The following ANK2 variants were observed in gnomAD, a reference collection of about 807,000 sequenced individuals.
ANK2 encodes the protein ankyrin 2.
Under a neutral mutation model 360.5 loss-of-function variants are expected in ANK2, and 83 were observed. That is an observed-to-expected ratio of 0.23 (90% CI 0.19 to 0.28). The LOEUF is 0.28. Ranked by LOEUF, ANK2 falls within the 10% of genes least tolerant of loss-of-function variation. The pLI is 1.00. For synonymous variants in ANK2, 1,740 were observed against 1,759.5 expected, an observed-to-expected ratio of 0.99 and a Z score of 0.28; for missense variants, 4,201 against 4,795.7, an observed-to-expected ratio of 0.88 and a Z score of 3.66.
At chr4:112,732,495 C>T in the ANK2 span, among the ~76,000 whole-genome samples, 4 of 152,040 alleles carry the variant, frequency 2.6e-5, no homozygotes, top group Non-Finnish European at 5.9e-5. Context: ...AGTCCTTCCA[C>T]CTTGGCCTCC....
the ANK2 span, among the ~76,000 whole-genome samples, chr4:112,783,470 C>T: frequency 6.6e-6 from 1 of 152,214 alleles, no homozygotes; most frequent in East Asian, 1.9e-4. Context: ...TCATCATTCC[C>T]ATGCATTTCT....
intron 2 of ANK2, among the ~76,000 whole-genome samples, chr4:112,947,056 A>T (rs1287557985): frequency 6.6e-6 from 1 of 152,186 alleles, no homozygotes; most frequent in Non-Finnish European, 1.5e-5. Context: ...CTCTTGCATG[A>T]TTCATTCTTG....
At chr4:112,972,137 T>A (rs2039756361) in intron 2 of ANK2, among the ~76,000 whole-genome samples, 1 of 152,206 alleles carries the variant, frequency 6.6e-6, no homozygotes. Context: ...ATAAAGTCAG[T>A]GTCCAATAGA....
intron 1 of ANK2, among the ~76,000 whole-genome samples, chr4:113,114,382 C>T (rs1000449233): frequency 6.6e-6 from 1 of 152,150 alleles, no homozygotes; most frequent in African/African-American, 2.4e-5. Context: ...AATTATGATT[C>T]TTAAAGATGT....
intron 2 of ANK2, among the ~76,000 whole-genome samples, chr4:113,001,280 G>A (rs1388074633): frequency 2.2e-5 from 3 of 139,488 alleles, no homozygotes; most frequent in East Asian, 2.1e-4. Flanking sequence ...GCAGTGAGCC[G>A]AGATCCCACC....
intron 2 of ANK2, among the ~76,000 whole-genome samples, chr4:113,028,912 C>T (rs541533554): frequency 2.4e-4 from 36 of 152,222 alleles, no homozygotes; most frequent in African/African-American, 8.4e-4. Context: ...CCAGTCTCCT[C>T]AGGTAGGGGA....
the ANK2 span, among the ~76,000 whole-genome samples, chr4:112,734,261 T>A: frequency 1.3e-5 from 2 of 152,220 alleles, no homozygotes; most frequent in African/African-American, 4.8e-5. Flanking sequence ...GAGAACAAGA[T>A]GCCTACTTTC....
chr4:112,970,095 T>A (rs1311594015), intron 2 of ANK2, among the ~76,000 whole-genome samples: 3 of 151,894 alleles, frequency 2.0e-5, no homozygotes, highest in Middle Eastern at 3.2e-3. Flanking sequence ...GCAATTCTCC[T>A]ACCTCAGCCT....
chr4:112,860,433 G>T (rs940630039), intron 1 of ANK2, among the ~76,000 whole-genome samples: 34 of 151,982 alleles, frequency 2.2e-4, no homozygotes, highest in African/African-American at 8.2e-4. Context: ...CACCATGTTG[G>T]TCAGGCTGGT....
intron 2 of ANK2, among the ~76,000 whole-genome samples, chr4:112,962,567 G>A (rs2035386543): frequency 6.6e-6 from 1 of 152,092 alleles, no homozygotes; most frequent in African/African-American, 2.4e-5. Context: ...CCCAGTAATG[G>A]GATTGCTGGG....
intron 27 of ANK2, among the ~76,000 whole-genome samples, 186 bp from the exon 28 acceptor site, chr4:113,331,786 C>A (rs769805199): frequency 1.3e-5 from 2 of 152,086 alleles, no homozygotes; most frequent in Admixed American, 1.3e-4. Flanking sequence ...TGCACAGACG[C>A]GCCTCCATTG....
At chr4:112,851,711 C>T (rs910383750) in intron 1 of ANK2, among the ~76,000 whole-genome samples, 1 of 151,882 alleles carries the variant, frequency 6.6e-6, no homozygotes, top group Non-Finnish European at 1.5e-5. Context: ...GCAACTTCCA[C>T]CCCCCAGGTT....
At chr4:113,155,103 A>G (rs2097233009) in intron 1 of ANK2, among the ~76,000 whole-genome samples, 2 of 152,228 alleles carry the variant, frequency 1.3e-5, no homozygotes, top group African/African-American at 4.8e-5. Flanking sequence ...AATAATAGCT[A>G]TCATTTATTG....
At position 112,900,280 on chromosome 4, in the gene ANK2, C is replaced by A. The variant is rs149169312; in HGVS notation, c.-39-4175C>A. 5.3e-5 allele frequency among the ~76,000 whole-genome samples: 8 copies of A among 152,224 alleles called. No individual in the cohort carries two copies. The East Asian group carries it at 1.5e-3, about 29-fold the overall frequency. ...AACCATATCCACCATGCCATTATTA[C>A]CCCTCTTTAAGATAGTTTAATATCA... On this transcript the variant is annotated intron_variant, in intron 1 of 30. Coordinates refer to the ANK2 transcript ENST00000503271.
At chr4:112,810,785 C>T in the ANK2 span, among the ~76,000 whole-genome samples, 2 of 152,128 alleles carry the variant, frequency 1.3e-5, no homozygotes, top group African/African-American at 4.8e-5. Flanking sequence ...CTCCTGACCT[C>T]AGGTGATCCA....
At chr4:113,227,094 T>G (rs2099233072) in intron 4 of ANK2, among the ~76,000 whole-genome samples, 1 of 152,198 alleles carries the variant, frequency 6.6e-6, no homozygotes, top group African/African-American at 2.4e-5. Flanking sequence ...TTTACAGTGG[T>G]GTTAAAGTGC....
intron 23 of ANK2, among the ~76,000 whole-genome samples, chr4:113,309,743 C>T (rs1363464940): frequency 6.6e-6 from 1 of 152,114 alleles, no homozygotes; most frequent in Non-Finnish European, 1.5e-5. Flanking sequence ...TGGTTTCAAA[C>T]TTCTGAGCTC....
rs187300674 is a variant in ANK2 at position 112,856,296 on chromosome 4, C to T, written c.-40+38032C>T. On this transcript the variant is annotated intron_variant, in intron 1 of 30. Transcript: ENST00000503271. The stretch of plus-strand genomic sequence containing the variant: ...TGCAGGCACATTCAGGAGAGGGAGT[C>T]GCACCTCAAGAATACTTTTAATAAA... 2.7e-3 allele frequency among the ~76,000 whole-genome samples: 414 copies of T among 152,248 alleles called. 2 individuals carry two copies. Among genetic ancestry groups the T allele is most frequent in the Middle Eastern group, 3.4e-3 (1 of 294 alleles).
chr4:113,002,006 A>C (rs1194262276), intron 2 of ANK2, among the ~76,000 whole-genome samples: 2 of 147,696 alleles, frequency 1.4e-5, no homozygotes, highest in Admixed American at 1.3e-4. Context: ...CGTTTCTTTT[A>C]TTTATTTATT....
Sources: gnomAD v4.1 joint callset for allele counts (sites outside exome capture counted in the v4.1 genomes callset) on GRCh38, gnomAD v4.1.1 for gene constraint, MANE v1.5 for transcripts, NCBI Gene and HGNC (gene_info 2026-07-23, HGNC 2026-07-21) for gene names.